The following RALGPS1 variants were observed in gnomAD, a reference collection of about 807,000 sequenced individuals.
The protein encoded by RALGPS1 is ras-specific guanine nucleotide-releasing factor RalGPS1.
Under a neutral mutation model 78.8 loss-of-function variants are expected in RALGPS1, and 19 were observed. The ratio of observed to expected loss-of-function variants is 0.24; its 90% CI spans 0.17 to 0.35. The LOEUF is 0.35. RALGPS1 is among the 10% of genes least tolerant of loss of function. RALGPS1 has a pLI of 1.00. For synonymous variants in RALGPS1, 228 were observed against 256.3 expected (o/e 0.89, Z 1.06); for missense variants, 454 against 688.3 (o/e 0.66, Z 3.81).
intron 4 of RALGPS1, among the ~76,000 whole-genome samples, chr9:127,012,153 G>A (rs897072032): frequency 1.3e-5 from 2 of 152,086 alleles, no homozygotes; most frequent in African/African-American, 4.8e-5. Flanking sequence ...TAGGTATTGA[G>A]GGTGTGAATC....
intron 14 of RALGPS1, among the ~76,000 whole-genome samples, chr9:127,206,787 A>G (rs972976328): frequency 6.6e-6 from 1 of 152,150 alleles, no homozygotes; most frequent in African/African-American, 2.4e-5. Flanking sequence ...CAGGATACCT[A>G]CAACCTAATG....
At position 127,219,098 on chromosome 9, in the gene RALGPS1, GCA is replaced by G; in HGVS notation, c.*332_*333del. On this transcript the variant is annotated 3_prime_UTR_variant, in exon 19 of 19. Coordinates refer to ENST00000259351, the MANE Select transcript of RALGPS1 (RefSeq NM_014636.3). The surrounding 1 kb of genome is among the most constrained non-coding windows in gnomAD (Gnocchi z 5.0). ...CGTTGGGTTCTCAGTGCTTTCTACTGCACAGAGTGGACAGCGCTAACTAACCT... is the reference window on the plus strand; with the variant it reads ...CGTTGGGTTCTCAGTGCTTTCTACTGCAGAGTGGACAGCGCTAACTAACCT... 2.5e-6 allele frequency: 1 copy of G among 407,120 alleles called. No individual in the cohort carries two copies. Among genetic ancestry groups the G allele is most frequent in the East Asian group, 5.2e-5 (1 of 19,244 alleles). 25.2% of individuals were successfully genotyped at this position (407,120 alleles called of 1,614,324 possible).
chr9:127,148,590 G>A (rs2058237204), intron 8 of RALGPS1, among the ~76,000 whole-genome samples: 1 of 152,228 alleles, frequency 6.6e-6, no homozygotes, highest in Non-Finnish European at 1.5e-5. Context: ...TGAGGTGAGA[G>A]CACATGAGGT....
chr9:126,917,389 G>A (rs2119442026), intron 1 of RALGPS1, among the ~76,000 whole-genome samples: 1 of 152,306 alleles, frequency 6.6e-6, no homozygotes, highest in Admixed American at 6.5e-5. Flanking sequence ...CATTCAGGGT[G>A]GAGAGAAATA....
chr9:126,992,762 T>C (rs1360612679), intron 4 of RALGPS1, among the ~76,000 whole-genome samples: 1 of 152,272 alleles, frequency 6.6e-6, no homozygotes, highest in Non-Finnish European at 1.5e-5. Flanking sequence ...ATAGGCCTTA[T>C]ACATCTTTTG....
chr9:127,214,662 T>C, intron 17 of RALGPS1, 89 bp from the exon 18 acceptor site: 4 of 1,521,528 alleles, frequency 2.6e-6, no homozygotes, highest in Non-Finnish European at 8.8e-7. Context: ...CCACTTTAGT[T>C]ACCCGTGTTT....
intron 7 of RALGPS1, among the ~76,000 whole-genome samples, chr9:127,063,374 T>C (rs1486542926): frequency 6.6e-6 from 1 of 152,240 alleles, no homozygotes; most frequent in Non-Finnish European, 1.5e-5. Flanking sequence ...CATTTACCCT[T>C]TCTACCATGA....
chr9:127,152,415 T>C (rs1221480283), intron 8 of RALGPS1, among the ~76,000 whole-genome samples: 1 of 152,240 alleles, frequency 6.6e-6, no homozygotes, highest in African/African-American at 2.4e-5. Flanking sequence ...TTTCTGGAAG[T>C]AGCAATCTAC....
intron 8 of RALGPS1, among the ~76,000 whole-genome samples, chr9:127,117,628 C>T (rs917919824): frequency 7.9e-5 from 12 of 152,212 alleles, no homozygotes; most frequent in African/African-American, 2.9e-4. Flanking sequence ...GGCTGGACAA[C>T]AGAGAGAGGA....
intron 5 of RALGPS1, among the ~76,000 whole-genome samples, chr9:127,035,811 CTGTT>C (rs1185029201): frequency 6.6e-6 from 1 of 152,086 alleles, no homozygotes; most frequent in Non-Finnish European, 1.5e-5. Flanking sequence ...GGGCTGCACA[CTGTT>C]TGTTTTGAAA....
chr9:127,130,704 C>T (rs1417245115), intron 8 of RALGPS1, among the ~76,000 whole-genome samples: 1 of 152,200 alleles, frequency 6.6e-6, no homozygotes, highest in African/African-American at 2.4e-5. Flanking sequence ...TTGCAACAAC[C>T]TTATGAGCTA....
At chr9:127,124,134 G>A (rs768450316) in intron 8 of RALGPS1, among the ~76,000 whole-genome samples, 5 of 152,154 alleles carry the variant, frequency 3.3e-5, no homozygotes, top group Non-Finnish European at 7.4e-5. Flanking sequence ...CCCATGGAGC[G>A]GTGAGGTCCC....
chr9:127,109,574 G>A (rs543995074), intron 8 of RALGPS1, among the ~76,000 whole-genome samples: 1 of 152,208 alleles, frequency 6.6e-6, no homozygotes, highest in Non-Finnish European at 1.5e-5. Context: ...ACTGCAACGT[G>A]ATTAAGTTAG....
chr9:126,922,949 C>T (rs2034913791), intron 1 of RALGPS1, among the ~76,000 whole-genome samples: 1 of 152,164 alleles, frequency 6.6e-6, no homozygotes, highest in Admixed American at 6.5e-5. Context: ...AGGGTAATTG[C>T]TGGATATGTC....
At chr9:126,998,058 A>G (rs939909747) in intron 4 of RALGPS1, among the ~76,000 whole-genome samples, 36 of 152,380 alleles carry the variant, frequency 2.4e-4, no homozygotes, top group Non-Finnish European at 4.0e-4. Flanking sequence ...ACCTAAAACC[A>G]TAAAAACCCT....
intron 14 of RALGPS1, among the ~76,000 whole-genome samples, chr9:127,202,992 G>A (rs536125148): frequency 2.6e-5 from 4 of 152,190 alleles, no homozygotes; most frequent in Non-Finnish European, 5.9e-5. Flanking sequence ...CGGGCCCCTT[G>A]GAAACCAACA....
chr9:127,049,873 G>A (rs764912492), intron 5 of RALGPS1, among the ~76,000 whole-genome samples, 170 bp from the exon 6 acceptor site: 1 of 152,156 alleles, frequency 6.6e-6, no homozygotes, highest in Non-Finnish European at 1.5e-5. Flanking sequence ...TTGCAGGGTT[G>A]GGTGCTGTAG....
chr9:127,081,101 C>T (rs1400413261), intron 8 of RALGPS1, among the ~76,000 whole-genome samples: 2 of 152,202 alleles, frequency 1.3e-5, no homozygotes, highest in Non-Finnish European at 2.9e-5. Context: ...TGCTGGAATG[C>T]CCTCTGAAAT....
intron 8 of RALGPS1, among the ~76,000 whole-genome samples, chr9:127,155,417 G>A (rs1252690182): frequency 6.6e-6 from 1 of 152,202 alleles, no homozygotes; most frequent in African/African-American, 2.4e-5. Context: ...ACAGAGGGAA[G>A]GGGAGGAAAC....
Sources: allele counts gnomAD v4.1 joint callset (sites outside exome capture counted in the v4.1 genomes callset), GRCh38; gene constraint gnomAD v4.1.1; non-coding constraint Gnocchi (gnomAD v3.1); transcripts MANE v1.5; gene names NCBI Gene and HGNC (gene_info 2026-07-23, HGNC 2026-07-21).